Variants in SLC4A2 observed in about 807,000 individuals in gnomAD.
SLC4A2 encodes the protein solute carrier family 4 member 2.
Under a neutral mutation model 115.0 loss-of-function variants are expected in SLC4A2, and 36 were observed. The ratio of observed to expected loss-of-function variants is 0.31; its 90% CI spans 0.24 to 0.41. The LOEUF (loss-of-function observed/expected upper bound fraction) is 0.41, where lower values mean the gene tolerates loss of function less well. Among genes scored for constraint, SLC4A2 ranks in the 10% least tolerant of loss-of-function variants. The pLI is 1.00. For synonymous variants in SLC4A2, 708 were observed against 708.3 expected (o/e 1.00, Z 0.01); for missense variants, 1,252 against 1,705.6 (o/e 0.73, Z 4.68).
chr7:151,062,601 G>C (rs1452390451), intron 2 of SLC4A2: 7 of 1,500,356 alleles, frequency 4.7e-6, no homozygotes, highest in Non-Finnish European at 6.2e-6. Context: ...GCACAGGCTG[G>C]TCCCCTCCCC....
chr7:151,075,395 C>T lies in SLC4A2; in HGVS notation c.3188C>T (p.Thr1063Ile). The T allele has an allele frequency of 6.2e-7, 1 of 1,610,446 alleles. No homozygotes were observed. The highest frequency in any genetic ancestry group is 8.5e-7 in the Non-Finnish European group (1 of 1,180,026). Reference protein sequence around the residue: ...WLAAATVRSVTHANALTVMSK... With the variant: ...WLAAATVRSVIHANALTVMSK... The stretch of plus-strand genomic sequence containing the variant: ...GCTGCTGCCACTGTCCGCTCTGTCA[C>T]TCACGCCAACGCGCTCACTGTCATG... Residue 1063 changes from threonine to isoleucine, a missense_variant, in exon 20 of 23, where the codon ACT becomes ATT. Transcript: ENST00000413384.
At chr7:151,062,794 G>A (rs922290079) in intron 2 of SLC4A2, 12 of 1,369,660 alleles carry the variant, frequency 8.8e-6, no homozygotes, top group Non-Finnish European at 8.4e-6. Context: ...AGATGGACAG[G>A]AGCCTTCCTC....
In SLC4A2 at chr7:151,064,207, G is replaced by A; in HGVS notation, c.57G>A (p.Glu19=). The A allele has an allele frequency of 6.2e-7, 1 of 1,612,238 alleles. No individual in the cohort carries two copies. Among genetic ancestry groups the A allele is most frequent in the Admixed American group, 1.7e-5 (1 of 60,012 alleles). Residue 19 remains glutamate (E), a synonymous_variant, in exon 3 of 23, where the codon GAG becomes GAA. Coordinates refer to ENST00000413384, the MANE Select transcript of SLC4A2 (RefSeq NM_003040.4). ...AKGADSFCTP[E]PESLGPGTPG... Reference sequence around the variant, plus strand: ...CTCTGCCTTCTTCCTCACAGCCAGAGCCAGAGAGCTTGGGCCCTGGGACGC... The same window carrying A: ...CTCTGCCTTCTTCCTCACAGCCAGAACCAGAGAGCTTGGGCCCTGGGACGC...
Position 151,064,879 on chromosome 7 carries a change from G to C in SLC4A2, c.491G>C (p.Arg164Pro). 6.2e-7 allele frequency: 1 copy of C among 1,613,976 alleles called. No individual in the cohort carries two copies. Among genetic ancestry groups the C allele is most frequent in the African/African-American group, 1.3e-5 (1 of 75,042 alleles). ...FFLQEDDSADRKAERTSPSSP... is the reference protein window; with the variant it reads ...FFLQEDDSADPKAERTSPSSP... ...CTCCAAGAGGATGACAGTGCTGACC[G>C]GAAGGCAGAGAGGACCAGTCCATCT... is the stretch of plus-strand genomic sequence containing the variant. Residue 164 changes from arginine to proline, a missense_variant, in exon 5 of 23, where the codon CGG becomes CCG. Arg to Pro is a moderately radical substitution (Grantham distance 103, BLOSUM62 -2). Transcript: ENST00000413384.
chr7:151,074,341 TG>T, intron 17 of SLC4A2, 48 bp downstream of exon 17: 1 of 1,609,464 alleles, frequency 6.2e-7, no homozygotes, highest in Non-Finnish European at 8.5e-7. Flanking sequence ...GGAAGGGGGG[TG>T]GCAGGAAGTC....
At chr7:151,069,288 C>T (rs778261629) in intron 8 of SLC4A2, among the ~76,000 whole-genome samples, 6 of 152,098 alleles carry the variant, frequency 3.9e-5, no homozygotes, top group Non-Finnish European at 7.3e-5. Flanking sequence ...GCGTTGTGGT[C>T]TCCAGCCTGG....
In SLC4A2 at chr7:151,075,588, C is replaced by A; in HGVS notation, c.3302-18C>A. ...CAGGGGACCCCGGGGCCAACTCTTT[C>A]TCCTGCGCCTCCCGTAGGCCTCTCC... On this transcript the variant is annotated intron_variant, in intron 20 of 22. Coordinates refer to ENST00000413384, the MANE Select transcript of SLC4A2 (RefSeq NM_003040.4). The A allele has an allele frequency of 6.3e-7, 1 of 1,586,110 alleles. No homozygotes were observed. Among genetic ancestry groups the A allele is most frequent in the South Asian group, 1.1e-5 (1 of 90,378 alleles).
rs1797237386 is a variant in SLC4A2 at position 151,066,502 on chromosome 7, A to G, written c.579-15A>G. On this transcript the variant is annotated splice_polypyrimidine_tract_variant and intron_variant, in intron 5 of 22. Coordinates refer to ENST00000413384, the MANE Select transcript of SLC4A2 (RefSeq NM_003040.4). Reference sequence around the variant, plus strand: ...GGCCAGGTTTCTCGGGCTCACGGCCATTCTGTCTGCCTAGAACCCAGGTGG... The same window carrying G: ...GGCCAGGTTTCTCGGGCTCACGGCCGTTCTGTCTGCCTAGAACCCAGGTGG... 3 of 1,489,420 alleles carry G rather than the reference A, an allele frequency of 2.0e-6. No individual in the cohort carries two copies. The highest frequency in any genetic ancestry group is 1.8e-6 in the Non-Finnish European group (2 of 1,120,026). The allele number at this position is 1,489,420 out of a possible 1,614,324, so 92.3% of individuals were successfully genotyped here. A position where few individuals can be genotyped will look rare whatever the true frequency, so the allele number is the denominator to read the frequency against.
At chr7:151,075,557 T>TGGGGCCAGGGGACCCC in intron 20 of SLC4A2, 49 bp downstream of exon 20, 1 of 1,589,288 alleles carries the variant, frequency 6.3e-7, no homozygotes, top group Non-Finnish European at 8.5e-7. Flanking sequence ...CCAGGGCTAC[T>TGGGGCCAGGGGACCCC]GGGGCCAGGG....
chr7:151,070,663 G>A, intron 11 of SLC4A2, 64 bp from the exon 12 acceptor site: 1 of 1,603,350 alleles, frequency 6.2e-7, no homozygotes, highest in Non-Finnish European at 8.5e-7. Context: ...GTGCCACCCT[G>A]GGCGAGGGAC....
chr7:151,064,744 G>A lies in SLC4A2; in HGVS notation c.436G>A (p.Val146Ile), dbSNP rs780710637. ...CCGGGCTCTCACTCAGCCGTCCCCT[G>A]TCTCCACACCCTCCTCGGTGCAGGT... Reference protein sequence around the residue: ...GARALTQPSPVSTPSSVQFFL... With the variant: ...GARALTQPSPISTPSSVQFFL... The change falls in exon 4 of 23, where the codon GTC (valine) becomes ATC (isoleucine). Residue 146 changes from valine to isoleucine, a missense_variant. Physicochemically the swap from Val to Ile is conservative, Grantham distance 29. Transcript: ENST00000413384. The A allele has an allele frequency of 6.2e-7, 1 of 1,610,730 alleles. No homozygotes were observed. Among genetic ancestry groups the A allele is most frequent in the South Asian group, 1.1e-5 (1 of 90,910 alleles).
chr7:151,059,574 T>G (rs1234365316), upstream of SLC4A2: 1 of 150,822 alleles, frequency 6.6e-6, no homozygotes, highest in South Asian at 2.1e-4. This position sits in a 1 kb window ranked among gnomAD's most constrained non-coding sequence, Gnocchi z 5.8. Flanking sequence ...CCGCGCACGG[T>G]GCGCCGGGGG....
At chr7:151,066,490 G>C in intron 5 of SLC4A2, 27 bp from the exon 6 acceptor site, 1 of 1,468,606 alleles carries the variant, frequency 6.8e-7, no homozygotes, top group Non-Finnish European at 9.0e-7. Flanking sequence ...CAGGTTTCTC[G>C]GGCTCACGGC....
At position 151,072,048 on chromosome 7, in the gene SLC4A2, TCCGCTTCGTCTC is replaced by T. The variant is rs751554303; in HGVS notation, c.2455_2466del (p.Val819_Phe822del). 1 of 1,614,108 alleles carries T rather than the reference TCCGCTTCGTCTC, an allele frequency of 6.2e-7. No homozygotes were observed. ...GTGGCCCTGGAGGGGAGCTTCCTGGTCCGCTTCGTCTCCCGCTTCACCCAGGAGATCTTCGCC... is the reference window on the plus strand; with the variant it reads ...GTGGCCCTGGAGGGGAGCTTCCTGGTCCGCTTCACCCAGGAGATCTTCGCC... On this transcript the variant is annotated inframe_deletion, in exon 16 of 23. Coordinates refer to ENST00000413384, the MANE Select transcript of SLC4A2 (RefSeq NM_003040.4).
At chr7:151,065,694 G>A (rs1023734786) in intron 5 of SLC4A2, among the ~76,000 whole-genome samples, 8 of 152,236 alleles carry the variant, frequency 5.3e-5, no homozygotes, top group Non-Finnish European at 1.2e-4. Context: ...GCACAGATGC[G>A]GGCGGCGGGT....
At position 151,070,289 on chromosome 7, in the gene SLC4A2, C is replaced by A; in HGVS notation, c.1392C>A (p.His464Gln). Residue 464 changes from histidine to glutamine, a missense_variant, in exon 10 of 23, where the codon CAC becomes CAA. Transcript: ENST00000413384. ...GTCAGGGGGCTGAGAGTGACCCCCA[C>A]GTCACCGAGCCTCTCATGGGAGGTG... ...HHGQGAESDP[H>Q]VTEPLMGGVP... is the part of the protein sequence containing the mutation. 6.2e-7 allele frequency: 1 copy of A among 1,613,666 alleles called. No homozygotes were observed. Among genetic ancestry groups the A allele is most frequent in the Non-Finnish European group, 8.5e-7 (1 of 1,179,858 alleles).
In SLC4A2 at chr7:151,075,246, C is replaced by T. The variant is rs35662595; in HGVS notation, c.3048-9C>T. 0.038 allele frequency: 61,975 copies of T among 1,612,046 alleles called. 3,191 individuals are homozygous for T. Among genetic ancestry groups the T allele is most frequent in the African/African-American group, 0.25 (19,032 of 75,002 alleles). On this transcript the variant is annotated splice_polypyrimidine_tract_variant and intron_variant, in intron 19 of 22. Coordinates refer to ENST00000413384, the MANE Select transcript of SLC4A2 (RefSeq NM_003040.4). ...GCCTGGGCCTCAGCAGCACCCCTCC[C>T]GCTCTCAGGCTCATCATCTCCAAGA...
intron 2 of SLC4A2, chr7:151,063,018 C>G: frequency 6.9e-7 from 1 of 1,457,064 alleles, no homozygotes; most frequent in Non-Finnish European, 9.0e-7. Flanking sequence ...TCCAGAAGCT[C>G]TTGAGCAAAT....
intron 19 of SLC4A2, 149 bp downstream of exon 19, chr7:151,074,990 G>A (rs1797568862): frequency 2.2e-6 from 2 of 920,408 alleles, no homozygotes; most frequent in African/African-American, 1.7e-5. Context: ...TCTGTAGACA[G>A]CAGAAAAACC....
Sources: allele counts gnomAD v4.1 joint callset (sites outside exome capture counted in the v4.1 genomes callset), GRCh38; gene constraint gnomAD v4.1.1; non-coding constraint Gnocchi (gnomAD v3.1); transcripts MANE v1.5; gene names NCBI Gene and HGNC (gene_info 2026-07-23, HGNC 2026-07-21).